The following NDUFS5 variants were observed in gnomAD, a reference collection of about 807,000 sequenced individuals.
NDUFS5 encodes the protein NADH dehydrogenase [ubiquinone] iron-sulfur protein 5.
In NDUFS5, 7 loss-of-function variants were observed where a neutral mutation model predicts 10.5. That is an observed-to-expected ratio of 0.66 (90% CI 0.38 to 1.25). The LOEUF is 1.25. NDUFS5 is among the 50% of genes most tolerant of loss of function. The pLI is 0.02. For missense variants in NDUFS5, 148 were observed against 140.7 expected (o/e 1.05, Z -0.26); for synonymous variants, 38 against 44.0 (o/e 0.86, Z 0.54).
At chr1:39,032,619 G>T (rs1177923242) in intron 2 of NDUFS5, among the ~76,000 whole-genome samples, 1 of 151,300 alleles carries the variant, frequency 6.6e-6, no homozygotes, top group Admixed American at 6.6e-5. Flanking sequence ...AAAAATCTCA[G>T]AGTCAGTGAG....
intron 2 of NDUFS5, among the ~76,000 whole-genome samples, chr1:39,030,560 AG>A (rs1458577174): frequency 6.6e-6 from 1 of 151,936 alleles, no homozygotes; most frequent in African/African-American, 2.4e-5. Context: ...CAAAAAAATT[AG>A]CTGGGTGTAG....
chr1:39,029,101 G>C (rs1218014705), intron 2 of NDUFS5, among the ~76,000 whole-genome samples, 161 bp downstream of exon 2: 1 of 150,752 alleles, frequency 6.6e-6, no homozygotes, highest in Non-Finnish European at 1.5e-5. Context: ...CAGGCGATTC[G>C]CGTACCTCAG....
chr1:39,027,912 A>T (rs1454704299), intron 1 of NDUFS5, among the ~76,000 whole-genome samples: 4 of 136,852 alleles, frequency 2.9e-5, no homozygotes, highest in African/African-American at 1.1e-4. Context: ...CTGTCTCCCC[A>T]GTTCAAGCAG....
chr1:39,034,488 C>T lies in NDUFS5; in HGVS notation c.313C>T (p.Arg105Trp), dbSNP rs371364946. The T allele has an allele frequency of 2.7e-5, 44 of 1,613,236 alleles. No individual in the cohort carries two copies. In the Middle Eastern group the frequency reaches 4.9e-4, roughly 18 times the overall value. Reference protein sequence around the residue: ...PPHHIGKGEPRP With the variant: ...PPHHIGKGEPWP ...TCACCACATTGGCAAGGGGGAGCCT[C>T]GGCCCTGAACAGAGCAGCTGCTGAT... Residue 105 changes from arginine (R) to tryptophan (W), a missense_variant, in exon 3 of 3, where the codon CGG becomes TGG. Coordinates refer to ENST00000372969, the MANE Select transcript of NDUFS5 (RefSeq NM_004552.3).
intron 2 of NDUFS5, among the ~76,000 whole-genome samples, chr1:39,031,319 G>A (rs1051523866): frequency 6.6e-6 from 1 of 151,798 alleles, no homozygotes; most frequent in African/African-American, 2.4e-5. Context: ...CCTGTTAGTC[G>A]TGTTTTTGAG....
chr1:39,031,576 G>T (rs1644191036), intron 2 of NDUFS5, among the ~76,000 whole-genome samples: 1 of 152,136 alleles, frequency 6.6e-6, no homozygotes, highest in Non-Finnish European at 1.5e-5. Context: ...AAACTGCTGG[G>T]ATTACAGAAA....
chr1:39,026,590 C>G (rs77826337), intron 1 of NDUFS5, among the ~76,000 whole-genome samples, 188 bp downstream of exon 1: 1,936 of 152,312 alleles, frequency 0.013, 41 homozygotes, highest in African/African-American at 0.044. Flanking sequence ...GATTGCCGCT[C>G]TCTCCACTTT....
At chr1:39,027,581 GTT>G (rs760373747) in intron 1 of NDUFS5, among the ~76,000 whole-genome samples, 5 of 91,132 alleles carry the variant, frequency 5.5e-5, no homozygotes, top group Non-Finnish European at 1.1e-4. Flanking sequence ...TTTCGCTCTG[GTT>G]TTTTTTTTTT....
At chr1:39,026,805 G>T (rs1644151801) in intron 1 of NDUFS5, among the ~76,000 whole-genome samples, 1 of 152,200 alleles carries the variant, frequency 6.6e-6, no homozygotes, top group South Asian at 2.1e-4. Flanking sequence ...GTAACTCCGG[G>T]CTGTTGCCCA....
At chr1:39,033,274 A>G (rs529804044) in intron 2 of NDUFS5, among the ~76,000 whole-genome samples, 18 of 152,132 alleles carry the variant, frequency 1.2e-4, no homozygotes, top group African/African-American at 4.1e-4. Context: ...CCACTTCCAC[A>G]TAGAATATGT....
At chr1:39,026,595 C>T (rs1318534483) in intron 1 of NDUFS5, among the ~76,000 whole-genome samples, 193 bp downstream of exon 1, 2 of 152,208 alleles carry the variant, frequency 1.3e-5, no homozygotes, top group African/African-American at 4.8e-5. Context: ...CCGCTCTCTC[C>T]ACTTTCCACA....
intron 2 of NDUFS5, among the ~76,000 whole-genome samples, chr1:39,030,091 TA>T (rs909659466): frequency 1.4e-5 from 2 of 146,592 alleles, no homozygotes; most frequent in African/African-American, 5.2e-5. Flanking sequence ...ACTCTGCCTC[TA>T]AAAAAAAAAC....
At chr1:39,032,999 G>T (rs1431570816) in intron 2 of NDUFS5, among the ~76,000 whole-genome samples, 1 of 152,170 alleles carries the variant, frequency 6.6e-6, no homozygotes, top group African/African-American at 2.4e-5. Flanking sequence ...TTGAGCAGAG[G>T]AATAATGTGA....
At chr1:39,026,971 G>A (rs184583946) in intron 1 of NDUFS5, among the ~76,000 whole-genome samples, 38 of 152,328 alleles carry the variant, frequency 2.5e-4, no homozygotes, top group African/African-American at 9.1e-4. Context: ...GTGTGTCTCT[G>A]GTGCTTACGT....
In NDUFS5 at chr1:39,028,826, T is replaced by C. The variant is rs1644170859; in HGVS notation, c.102T>C (p.His34=). ...CCTACAAGATGGCTGGTCGATGCCATGCTTTTGAAAAAGAATGGATAGAAT... is the reference window on the plus strand; with the variant it reads ...CCTACAAGATGGCTGGTCGATGCCACGCTTTTGAAAAAGAATGGATAGAAT... ...EQPYKMAGRC[H]AFEKEWIECA... The change falls in exon 2 of 3, where the codon CAT becomes CAC. Residue 34 remains histidine, a synonymous_variant. Transcript: ENST00000372969. The C allele has an allele frequency of 2.5e-6, 4 of 1,614,142 alleles. No individual in the cohort carries two copies. The highest frequency in any genetic ancestry group is 3.4e-6 in the Non-Finnish European group (4 of 1,180,024).
intron 2 of NDUFS5, 79 bp downstream of exon 2, chr1:39,029,019 T>G (rs1351132526): frequency 7.7e-7 from 1 of 1,290,988 alleles, no homozygotes; most frequent in East Asian, 2.4e-5. Flanking sequence ...TGAGACGAAG[T>G]CTCACTCTTG....
chr1:39,028,674 C>A, intron 1 of NDUFS5, 49 bp from the exon 2 acceptor site: 1 of 1,533,188 alleles, frequency 6.5e-7, no homozygotes, highest in Non-Finnish European at 9.0e-7. Context: ...CAGTTGATTG[C>A]CCTCTTGTGG....
At chr1:39,030,205 G>C (rs1466108584) in intron 2 of NDUFS5, among the ~76,000 whole-genome samples, 2 of 151,836 alleles carry the variant, frequency 1.3e-5, no homozygotes, top group African/African-American at 4.8e-5. Context: ...AGGAGTTCAA[G>C]ACCAGCCTGG....
chr1:39,027,547 A>G (rs1040837936), intron 1 of NDUFS5, among the ~76,000 whole-genome samples: 5 of 143,712 alleles, frequency 3.5e-5, no homozygotes, highest in South Asian at 2.2e-4. Flanking sequence ...GTAATAGTCT[A>G]CAAAGTAAGT....
Sources: allele counts gnomAD v4.1 joint callset (sites outside exome capture counted in the v4.1 genomes callset), GRCh38; gene constraint gnomAD v4.1.1; transcripts MANE v1.5; gene names NCBI Gene and HGNC (gene_info 2026-07-23, HGNC 2026-07-21).